The following CCDC15 variants were observed in gnomAD, a reference collection of about 807,000 sequenced individuals.
The protein encoded by CCDC15 is coiled-coil domain containing 15, also known as coiled-coil domain-containing protein 15.
Under a neutral mutation model 114.5 loss-of-function variants are expected in CCDC15, and 105 were observed. The observed-to-expected ratio is 0.92, with a 90% CI of 0.78 to 1.08. CCDC15 has a LOEUF of 1.08. CCDC15 is among the 50% of genes least tolerant of loss of function. The probability of loss-of-function intolerance (pLI) is 0.00; values close to 1 mark genes in which losing one functional copy is unlikely to be tolerated. For missense variants in CCDC15, 1,105 were observed against 1,093.6 expected (o/e 1.01, Z -0.15); for synonymous variants, 334 against 377.8 (o/e 0.88, Z 1.34).
intron 15 of CCDC15, chr11:125,039,364 A>G (rs1474199186): frequency 1.1e-5 from 3 of 279,274 alleles, no homozygotes; most frequent in Non-Finnish European, 2.0e-5. Flanking sequence ...TTTGCCTTTT[A>G]TGTAAGTTAG....
intron 8 of CCDC15, among the ~76,000 whole-genome samples, chr11:124,990,383 AT>A (rs1948247294): frequency 1.3e-5 from 2 of 152,206 alleles, no homozygotes. Flanking sequence ...AGTCTGAACT[AT>A]TGTGAAAATT....
intron 6 of CCDC15, among the ~76,000 whole-genome samples, chr11:124,981,202 A>G (rs1948066863): frequency 6.6e-6 from 1 of 151,904 alleles, no homozygotes; most frequent in Admixed American, 6.6e-5. Flanking sequence ...TGTGTGGTTG[A>G]TTTTAGAGTG....
At chr11:125,032,342 G>A (rs895548357) in intron 13 of CCDC15, among the ~76,000 whole-genome samples, 4 of 152,222 alleles carry the variant, frequency 2.6e-5, no homozygotes, top group African/African-American at 9.6e-5. Context: ...GGAGAAAAAG[G>A]CATTTGCCTA....
At position 124,959,857 on chromosome 11, in the gene CCDC15, C is replaced by T. The variant is rs1947627071; in HGVS notation, c.370C>T (p.His124Tyr). The change falls in exon 4 of 16, where the codon CAC becomes TAC. Residue 124 changes from histidine (H) to tyrosine (Y), a missense_variant. Coordinates refer to ENST00000344762, the MANE Select transcript of CCDC15 (RefSeq NM_025004.3). ...CATAGCCATGCAGTCTTCAGCAACA[C>T]ACTTAACTTCCAAAAGGACAAGTGT... ...GSIAMQSSATHLTSKRTSVFP... is the reference protein window; with the variant it reads ...GSIAMQSSATYLTSKRTSVFP... 6.2e-7 allele frequency: 1 copy of T among 1,602,018 alleles called. No individual in the cohort carries two copies. Among genetic ancestry groups the T allele is most frequent in the South Asian group, 1.1e-5 (1 of 88,838 alleles).
At chr11:125,027,352 A>G (rs1046632911) in intron 13 of CCDC15, among the ~76,000 whole-genome samples, 9 of 152,270 alleles carry the variant, frequency 5.9e-5, no homozygotes, top group African/African-American at 1.9e-4. Flanking sequence ...TTACATTCCC[A>G]CTAGCAGTGT....
At chr11:124,966,960 A>T (rs1451831893) in intron 4 of CCDC15, among the ~76,000 whole-genome samples, 1 of 152,204 alleles carries the variant, frequency 6.6e-6, no homozygotes, top group Non-Finnish European at 1.5e-5. Flanking sequence ...AATGTTGAAT[A>T]TTGGCCCCCA....
chr11:124,985,143 T>C (rs1377310499), intron 6 of CCDC15, among the ~76,000 whole-genome samples: 1 of 152,260 alleles, frequency 6.6e-6, no homozygotes, highest in East Asian at 1.9e-4. Context: ...CTTTGCATAA[T>C]GTTTTAAAGT....
At chr11:124,997,318 T>TGTC (rs1233501480) in intron 11 of CCDC15, among the ~76,000 whole-genome samples, 4 of 152,204 alleles carry the variant, frequency 2.6e-5, no homozygotes, top group Non-Finnish European at 5.9e-5. Context: ...TGAAACAGAC[T>TGTC]GTCACTCAGT....
intron 3 of CCDC15, 90 bp from the exon 4 acceptor site, chr11:124,959,725 T>TTAAAAAATTC: frequency 3.8e-6 from 1 of 264,130 alleles, no homozygotes; most frequent in Non-Finnish European, 7.0e-6. Context: ...CCCACCCCAA[T>TTAAAAAATTC]TTAAAATCTT....
rs1163825003 is a variant in CCDC15, at chr11:124,977,157, C to T, written c.631-321C>T. Among the ~76,000 whole-genome samples the T allele has an allele frequency of 3.3e-5, 5 of 152,254 alleles. No homozygotes were observed. In the East Asian group the frequency reaches 9.6e-4, roughly 29 times the overall value. ...TGTTATTGATCCGGATTTGGAGATA[C>T]AAGTGGAACACATACTTGCTTGTAC... is the stretch of plus-strand genomic sequence containing the variant. On this transcript the variant is annotated intron_variant, in intron 5 of 15. Coordinates refer to ENST00000344762, the MANE Select transcript of CCDC15 (RefSeq NM_025004.3).
At chr11:125,010,944 T>C (rs960303082) in intron 13 of CCDC15, among the ~76,000 whole-genome samples, 1 of 152,164 alleles carries the variant, frequency 6.6e-6, no homozygotes, top group African/African-American at 2.4e-5. Flanking sequence ...TTTAAATCTT[T>C]AATCCATCTT....
At chr11:125,010,157 C>A (rs540893365) in intron 13 of CCDC15, among the ~76,000 whole-genome samples, 1 of 152,200 alleles carries the variant, frequency 6.6e-6, no homozygotes, top group Admixed American at 6.5e-5. Context: ...TCCCTTTTCT[C>A]TGCAGCCTTG....
chr11:124,975,699 G>A (rs1163684019), intron 5 of CCDC15, among the ~76,000 whole-genome samples: 1 of 152,056 alleles, frequency 6.6e-6, no homozygotes, highest in East Asian at 1.9e-4. Context: ...ATAAAAAGAT[G>A]GAAAGAGTTC....
chr11:124,958,601 G>A (rs952774884), intron 2 of CCDC15, among the ~76,000 whole-genome samples: 2 of 152,116 alleles, frequency 1.3e-5, no homozygotes, highest in Admixed American at 6.6e-5. Flanking sequence ...TCATAATCTA[G>A]TAGGGGAGTC....
chr11:124,979,316 A>G (rs1296489107), intron 6 of CCDC15, among the ~76,000 whole-genome samples: 1 of 152,082 alleles, frequency 6.6e-6, no homozygotes, highest in Non-Finnish European at 1.5e-5. Flanking sequence ...AGTTTCTATG[A>G]AGAATGTCAT....
intron 4 of CCDC15, among the ~76,000 whole-genome samples, chr11:124,971,633 A>AT (rs35950740): frequency 0.2 from 30,855 of 151,784 alleles, 3,738 homozygotes; most frequent in African/African-American, 0.34. Context: ...ATTGTCTGGG[A>AT]TTTTTTTTCT....
intron 13 of CCDC15, among the ~76,000 whole-genome samples, chr11:125,011,236 A>ATTTTTTTTT (rs1223910842): frequency 7.5e-6 from 1 of 133,622 alleles, no homozygotes; most frequent in African/African-American, 3.1e-5. Flanking sequence ...TATTATTATT[A>ATTTTTTTTT]TTATTATTAT....
intron 13 of CCDC15, 47 bp from the exon 14 acceptor site, chr11:125,038,384 A>G (rs746136478): frequency 4.1e-6 from 5 of 1,211,070 alleles, no homozygotes; most frequent in Non-Finnish European, 5.5e-6. Flanking sequence ...CTAATTTTAA[A>G]TAATAATTTT....
chr11:124,984,737 C>T (rs1420899846), intron 6 of CCDC15, among the ~76,000 whole-genome samples: 1 of 152,118 alleles, frequency 6.6e-6, no homozygotes, highest in Admixed American at 6.5e-5. Context: ...CATCCCTTCC[C>T]CAGGAGCCAC....
Sources: gnomAD v4.1 joint callset for allele counts (sites outside exome capture counted in the v4.1 genomes callset) on GRCh38, gnomAD v4.1.1 for gene constraint, MANE v1.5 for transcripts, NCBI Gene and HGNC (gene_info 2026-07-23, HGNC 2026-07-21) for gene names.